The following CFAP69 variants were observed in gnomAD, a reference collection of about 807,000 sequenced individuals.
The protein encoded by CFAP69 is cilia- and flagella-associated protein 69.
Under a neutral mutation model 123.0 loss-of-function variants are expected in CFAP69, and 92 were observed. The observed-to-expected ratio is 0.75, with a 90% CI of 0.63 to 0.89. CFAP69 has a LOEUF of 0.89. CFAP69 is among the 40% of genes least tolerant of loss of function. The pLI is 0.00. For missense variants in CFAP69, 1,067 were observed against 1,096.9 expected, an observed-to-expected ratio of 0.97 and a Z score of 0.39; for synonymous variants, 380 against 364.3, an observed-to-expected ratio of 1.04 and a Z score of -0.49.
At chr7:90,319,647 G>A in the CFAP69 span, 1 of 398,550 alleles carries the variant, frequency 2.5e-6, no homozygotes, top group Non-Finnish European at 4.4e-6. Flanking sequence ...GGCTGATGCT[G>A]GCAAGCACTC....
chr7:90,268,261 T>C, intron 5 of CFAP69, 25 bp from the exon 6 acceptor site: 1 of 1,456,540 alleles, frequency 6.9e-7, no homozygotes. Context: ...TGTTGTTAAA[T>C]AGCACCTGTT....
At chr7:90,313,218 C>A (rs1794472635), downstream of CFAP69, among the ~76,000 whole-genome samples, 1 of 152,292 alleles carries the variant, frequency 6.6e-6, no homozygotes, top group Admixed American at 6.5e-5. Flanking sequence ...TTTGTTAATA[C>A]TCCTCTAAAC....
downstream of CFAP69, chr7:90,312,571 C>T (rs956641546): frequency 1.3e-5 from 2 of 152,068 alleles, no homozygotes; most frequent in Non-Finnish European, 2.9e-5. Context: ...CAGTAATGTT[C>T]CTTAATACAG....
intron 3 of CFAP69, among the ~76,000 whole-genome samples, chr7:90,258,474 C>T (rs528271019): frequency 2.6e-5 from 4 of 152,104 alleles, no homozygotes; most frequent in East Asian, 1.9e-4. Context: ...CCACTGGCAT[C>T]ACTCTCACCT....
intron 1 of CFAP69, among the ~76,000 whole-genome samples, chr7:90,248,033 G>A (rs1392451519): frequency 1.3e-5 from 2 of 152,162 alleles, no homozygotes; most frequent in Non-Finnish European, 2.9e-5. Context: ...TTAAAGCTAA[G>A]GGATTCTCTA....
chr7:90,310,315 C>A lies in CFAP69; in HGVS notation c.*77C>A. On this transcript the variant is annotated 3_prime_UTR_variant, in exon 23 of 23. Transcript: ENST00000389297. ...ATATATCTTTATACATATGTAAAGC[C>A]AATATTTTAGAATAAGTATTTTAGT... The A allele has an allele frequency of 1.2e-6, 1 of 822,640 alleles. No individual in the cohort carries two copies. The highest frequency in any genetic ancestry group is 1.7e-6 in the Non-Finnish European group (1 of 588,668). 51.0% of individuals were successfully genotyped at this position (822,640 alleles called of 1,614,324 possible). A position where few individuals can be genotyped will look rare whatever the true frequency, so the allele number is the denominator to read the frequency against.
intron 17 of CFAP69, chr7:90,301,596 CTG>C (rs1792819602): frequency 6.6e-6 from 1 of 152,046 alleles, no homozygotes; most frequent in African/African-American, 2.4e-5. Context: ...TTTTCTGTTC[CTG>C]TGTTAGTTTG....
At chr7:90,317,174 C>A in the CFAP69 span, 1 of 151,786 alleles carries the variant, frequency 6.6e-6, no homozygotes, top group Non-Finnish European at 1.5e-5. Flanking sequence ...CAGGAAAGTT[C>A]TTGGCAAGAT....
intron 22 of CFAP69, 36 bp downstream of exon 22, chr7:90,309,403 C>A: frequency 8.2e-7 from 1 of 1,219,902 alleles, no homozygotes; most frequent in Non-Finnish European, 1.2e-6. Context: ...TCTTAATAGA[C>A]ATTAAATTTA....
intron 5 of CFAP69, among the ~76,000 whole-genome samples, chr7:90,267,212 T>C (rs919426390): frequency 3.9e-5 from 6 of 152,208 alleles, no homozygotes; most frequent in Non-Finnish European, 8.8e-5. Context: ...AAGTGATATC[T>C]TTTGCAGAGA....
At chr7:90,294,212 G>A (rs969649072) in intron 15 of CFAP69, among the ~76,000 whole-genome samples, 2 of 152,098 alleles carry the variant, frequency 1.3e-5, no homozygotes, top group Non-Finnish European at 2.9e-5. Context: ...AAAAGTCAAA[G>A]AAGCCATTTA....
chr7:90,246,814 G>T (rs1000860105), intron 1 of CFAP69, among the ~76,000 whole-genome samples: 118 of 144,234 alleles, frequency 8.2e-4, no homozygotes, highest in African/African-American at 2.8e-3. Context: ...AAGCAAGCGT[G>T]GATTTTTTTT....
At chr7:90,272,233 A>ATT (rs752538917) in intron 8 of CFAP69, 1 of 267,704 alleles carries the variant, frequency 3.7e-6, no homozygotes, top group Non-Finnish European at 7.0e-6. Context: ...GAACTATTTC[A>ATT]TTTATTTATC....
chr7:90,263,980 A>C (rs900289239), intron 4 of CFAP69, among the ~76,000 whole-genome samples: 1 of 150,848 alleles, frequency 6.6e-6, no homozygotes, highest in African/African-American at 2.4e-5. Flanking sequence ...AGTCCCAGCT[A>C]CTCGGGAGGC....
intron 3 of CFAP69, among the ~76,000 whole-genome samples, chr7:90,258,684 TG>T (rs1387363859): frequency 6.6e-6 from 1 of 152,196 alleles, no homozygotes; most frequent in Non-Finnish European, 1.5e-5. Flanking sequence ...ATAGATATCT[TG>T]GGGAAGGCCA....
rs1202425945 is a variant in CFAP69, at chr7:90,306,940, T to G, written c.2305T>G (p.Leu769Val). Residue 769 changes from leucine to valine, a missense_variant, in exon 20 of 23, where the codon TTA becomes GTA. By Grantham distance (32) the Leu-to-Val change is conservative (BLOSUM62 1). Coordinates refer to ENST00000389297, the MANE Select transcript of CFAP69 (RefSeq NM_001039706.3). ...GAATGAAATATATGAAGAAATAAAA[T>G]TAGAAAAATTAAGACCAGTCACTAC... ...IWNEIYEEIK[L>V]EKLRPVTTDK... 6.4e-7 allele frequency: 1 copy of G among 1,563,402 alleles called. No individual in the cohort carries two copies. Among genetic ancestry groups the G allele is most frequent in the Non-Finnish European group, 8.8e-7 (1 of 1,141,654 alleles).
chr7:90,287,440 T>C (rs1562896586), intron 14 of CFAP69: 1 of 963,214 alleles, frequency 1.0e-6, no homozygotes, highest in Non-Finnish European at 1.2e-6. Context: ...GGGGTTTGAA[T>C]TGGGTTCAAA....
At chr7:90,275,590 CTT>C (rs57578763) in intron 9 of CFAP69, among the ~76,000 whole-genome samples, 54 of 62,062 alleles carry the variant, frequency 8.7e-4, no homozygotes, top group African/African-American at 3.4e-3. Flanking sequence ...GGCCAAAAGC[CTT>C]TTTTTTTTTT....
At chr7:90,296,048 C>T (rs1055271241) in intron 15 of CFAP69, among the ~76,000 whole-genome samples, 2 of 152,136 alleles carry the variant, frequency 1.3e-5, no homozygotes, top group African/African-American at 4.8e-5. Flanking sequence ...CTGTCTCATC[C>T]GTTGACTTCG....
Sources: gnomAD v4.1 joint callset for allele counts (sites outside exome capture counted in the v4.1 genomes callset) on GRCh38, gnomAD v4.1.1 for gene constraint, MANE v1.5 for transcripts, NCBI Gene and HGNC (gene_info 2026-07-23, HGNC 2026-07-21) for gene names.